NT5DC1: variants seen among roughly 807,000 people sequenced by gnomAD.
The protein encoded by NT5DC1 is 5'-nucleotidase domain containing 1.
In NT5DC1, 42 loss-of-function variants were observed where a neutral mutation model predicts 59.4. The observed-to-expected ratio is 0.71, with a 90% CI of 0.55 to 0.92. The LOEUF is 0.92. NT5DC1 is among the 40% of genes least tolerant of loss of function. NT5DC1 has a pLI of 0.00. For missense variants in NT5DC1, 501 were observed against 537.1 expected, an observed-to-expected ratio of 0.93 and a Z score of 0.66; for synonymous variants, 172 against 188.1, an observed-to-expected ratio of 0.91 and a Z score of 0.70.
At chr6:116,241,986 G>A (rs1771740797) in intron 11 of NT5DC1, among the ~76,000 whole-genome samples, 1 of 144,114 alleles carries the variant, frequency 6.9e-6, no homozygotes, top group South Asian at 2.2e-4. Context: ...CAAATGGAAA[G>A]CATTTAGTAA....
intron 6 of NT5DC1, among the ~76,000 whole-genome samples, chr6:116,191,533 A>G (rs1781117073): frequency 6.6e-6 from 1 of 152,088 alleles, no homozygotes; most frequent in African/African-American, 2.4e-5. Context: ...GTCTAACTCA[A>G]AAAAGCTTTT....
At chr6:116,167,381 T>G (rs540051394) in intron 6 of NT5DC1, among the ~76,000 whole-genome samples, 1 of 151,904 alleles carries the variant, frequency 6.6e-6, no homozygotes, top group Non-Finnish European at 1.5e-5. Context: ...GCCGGCTAAT[T>G]TTTTGTATTT....
chr6:116,116,536 G>A lies in NT5DC1; in HGVS notation c.444+766G>A, dbSNP rs141557862. On this transcript the variant is annotated intron_variant, in intron 5 of 11. Transcript: ENST00000319550. ...GTGCACCTGTAGTCCCAGCTACTAG[G>A]GAGGCTGAGGCAGGAGAATTGCTTA... Among the ~76,000 whole-genome samples the A allele has an allele frequency of 7.4e-3, 1,130 of 152,246 alleles. 6 individuals are homozygous for A. Among genetic ancestry groups the A allele is most frequent in the Middle Eastern group, 0.014 (4 of 294 alleles).
intron 6 of NT5DC1, among the ~76,000 whole-genome samples, chr6:116,217,207 T>C (rs1347629374): frequency 6.6e-6 from 1 of 152,216 alleles, no homozygotes; most frequent in East Asian, 1.9e-4. Flanking sequence ...GGTCCCTATA[T>C]CCTGTTTGGT....
chr6:116,118,851 G>A (rs1433761737), intron 6 of NT5DC1: 1 of 152,178 alleles, frequency 6.6e-6, no homozygotes, highest in Non-Finnish European at 1.5e-5. Flanking sequence ...ACAATGAGTG[G>A]TTGGGTCTGT....
chr6:116,212,763 A>G (rs996135545), intron 6 of NT5DC1, among the ~76,000 whole-genome samples: 1 of 152,124 alleles, frequency 6.6e-6, no homozygotes, highest in African/African-American at 2.4e-5. Flanking sequence ...TATTTCAGCA[A>G]TTGATTATTA....
chr6:116,127,038 G>T (rs892865604), intron 6 of NT5DC1, among the ~76,000 whole-genome samples: 5 of 152,118 alleles, frequency 3.3e-5, no homozygotes, highest in Non-Finnish European at 5.9e-5. Flanking sequence ...GAAGTTGAGA[G>T]TCCAAATTTT....
chr6:116,222,065 T>C (rs1464598136), intron 7 of NT5DC1, among the ~76,000 whole-genome samples: 1 of 152,190 alleles, frequency 6.6e-6, no homozygotes, highest in African/African-American at 2.4e-5. Flanking sequence ...CCAGCCCTTT[T>C]AGCATCATGA....
At chr6:116,212,190 T>C (rs770225710) in intron 6 of NT5DC1, among the ~76,000 whole-genome samples, 8 of 152,092 alleles carry the variant, frequency 5.3e-5, no homozygotes, top group Non-Finnish European at 1.0e-4. Flanking sequence ...TTTGAAACTT[T>C]AGTATGTTCT....
chr6:116,134,971 A>G lies in NT5DC1; in HGVS notation c.529+17026A>G, dbSNP rs539882135. Among the ~76,000 whole-genome samples, 4 of 152,344 alleles carry G rather than the reference A, an allele frequency of 2.6e-5. No homozygotes were observed. The East Asian group carries it at 5.8e-4, about 22-fold the overall frequency. ...TTTAAATATCTCAGAAACCTGAACTATGAAGTTTCAGAGCAACAAATAACT... is the reference window on the plus strand; with the variant it reads ...TTTAAATATCTCAGAAACCTGAACTGTGAAGTTTCAGAGCAACAAATAACT... On this transcript the variant is annotated intron_variant, in intron 6 of 11. Coordinates refer to ENST00000319550, the MANE Select transcript of NT5DC1 (RefSeq NM_152729.3).
rs1771907388 is a variant in NT5DC1, at chr6:116,249,432, A to C, written c.*5408A>C. On this transcript the variant is annotated 3_prime_UTR_variant, in exon 12 of 12. Transcript: ENST00000319550. ...GAATGCAGAGGTATTTATCCAATAA[A>C]CTTTCATGTAATTGCTGCTATACAG... The C allele has an allele frequency of 1.3e-5, 2 of 152,164 alleles. No individual in the cohort carries two copies. The highest frequency in any genetic ancestry group is 4.8e-5 in the African/African-American group (2 of 41,426). 9.4% of individuals were successfully genotyped at this position (152,164 alleles called of 1,614,324 possible). A position where few individuals can be genotyped will look rare whatever the true frequency, so the allele number is the denominator to read the frequency against.
Position 116,221,136 on chromosome 6 carries a change from G to T in NT5DC1, c.612G>T (p.Trp204Cys), listed in dbSNP as rs775893356. ...LHSCPESVKK[W>C]LRQLKNAGKI... ...GTTGTCCTGAATCTGTGAAAAAATG[G>T]CTTCGACAGCTAAAGAATGCTGGGA... Residue 204 changes from tryptophan (W) to cysteine (C), a missense_variant, in exon 7 of 12, where the codon TGG (tryptophan) becomes TGT (cysteine). Transcript: ENST00000319550. The T allele has an allele frequency of 6.3e-7, 1 of 1,577,528 alleles. No homozygotes were observed. The highest frequency in any genetic ancestry group is 1.7e-5 in the Admixed American group (1 of 59,964).
At chr6:116,121,245 C>T in intron 6 of NT5DC1, 1 of 1,613,822 alleles carries the variant, frequency 6.2e-7, no homozygotes, top group Non-Finnish European at 8.5e-7. Context: ...CCTGGGGGCC[C>T]AGCTATTCCT....
intron 6 of NT5DC1, among the ~76,000 whole-genome samples, chr6:116,149,880 C>A (rs117472554): frequency 0.039 from 5,994 of 152,316 alleles, 157 homozygotes; most frequent in Non-Finnish European, 0.059. Context: ...AACAAACCAG[C>A]ATTAGGACTT....
intron 6 of NT5DC1, chr6:116,120,671 G>GT: frequency 6.5e-7 from 1 of 1,546,546 alleles, no homozygotes; most frequent in Non-Finnish European, 8.7e-7. Context: ...GAGGCCCTTA[G>GT]TTGCTATGCC....
intron 6 of NT5DC1, among the ~76,000 whole-genome samples, chr6:116,148,288 T>C (rs75420073): frequency 0.017 from 2,527 of 152,278 alleles, 31 homozygotes; most frequent in South Asian, 0.055. Context: ...GTACCAAGCA[T>C]TATCTATTCC....
intron 6 of NT5DC1, among the ~76,000 whole-genome samples, chr6:116,210,141 T>C (rs947081402): frequency 2.0e-5 from 3 of 152,062 alleles, no homozygotes; most frequent in African/African-American, 7.2e-5. Context: ...ATGGATACTT[T>C]TTTCCTCTGC....
At chr6:116,169,064 C>T (rs1032901150) in intron 6 of NT5DC1, among the ~76,000 whole-genome samples, 2 of 152,172 alleles carry the variant, frequency 1.3e-5, no homozygotes, top group Non-Finnish European at 1.5e-5. Flanking sequence ...TCCTCCAAGC[C>T]TCTTGAAGAT....
intron 3 of NT5DC1, among the ~76,000 whole-genome samples, chr6:116,109,664 A>G (rs1226516267): frequency 2.0e-5 from 3 of 152,158 alleles, no homozygotes; most frequent in Non-Finnish European, 2.9e-5. Context: ...TTTTCTGATC[A>G]TATTTCCCAT....
Sources: allele counts gnomAD v4.1 joint callset (sites outside exome capture counted in the v4.1 genomes callset), GRCh38; gene constraint gnomAD v4.1.1; transcripts MANE v1.5; gene names NCBI Gene and HGNC (gene_info 2026-07-23, HGNC 2026-07-21).